Variants in CSMD3 observed in about 807,000 individuals in gnomAD.
The protein encoded by CSMD3 is CUB and Sushi multiple domains 3.
In CSMD3, 177 loss-of-function variants were observed where a neutral mutation model predicts 435.2. That is an observed-to-expected ratio of 0.41 (90% confidence interval 0.36 to 0.46). The LOEUF (loss-of-function observed/expected upper bound fraction) is 0.46. Ranked by LOEUF, CSMD3 falls within the 20% of genes least tolerant of loss-of-function variation. The pLI, the probability that CSMD3 is intolerant of heterozygous loss-of-function variation, is 0.34. For missense variants in CSMD3, 4,265 were observed against 4,504.6 expected, an observed-to-expected ratio of 0.95 and a Z score of 1.52; for synonymous variants, 1,656 against 1,520.5, an observed-to-expected ratio of 1.09 and a Z score of -2.07.
At chr8:112,945,656 A>T (rs1301479444) in intron 9 of CSMD3, among the ~76,000 whole-genome samples, 1 of 149,752 alleles carries the variant, frequency 6.7e-6, no homozygotes, top group East Asian at 2.0e-4. Flanking sequence ...TGTTGTCTCC[A>T]TTAAAAAAAA....
At chr8:112,594,506 G>A (rs1831504369) in intron 22 of CSMD3, among the ~76,000 whole-genome samples, 1 of 152,188 alleles carries the variant, frequency 6.6e-6, no homozygotes, top group South Asian at 2.1e-4. Flanking sequence ...CGAACTGGGT[G>A]TAGCCCACCA....
intron 6 of CSMD3, among the ~76,000 whole-genome samples, chr8:113,005,173 T>G (rs1224202566): frequency 6.6e-6 from 1 of 151,828 alleles, no homozygotes; most frequent in African/African-American, 2.4e-5. Flanking sequence ...ACTGAGTCAT[T>G]TGGTAAACCT....
At chr8:112,968,184 T>C (rs1474383629) in intron 7 of CSMD3, among the ~76,000 whole-genome samples, 1 of 151,956 alleles carries the variant, frequency 6.6e-6, no homozygotes, top group Non-Finnish European at 1.5e-5. Context: ...CATTGGCCAC[T>C]TCTATGTTTG....
chr8:113,105,373 C>A (rs2090445099), intron 4 of CSMD3, among the ~76,000 whole-genome samples: 2 of 152,026 alleles, frequency 1.3e-5, no homozygotes, highest in African/African-American at 4.8e-5. Flanking sequence ...TCTTTCAGCT[C>A]AGTACATAGA....
chr8:112,352,276 A>G (rs1259739772), intron 39 of CSMD3, 140 bp downstream of exon 39: 6 of 1,269,056 alleles, frequency 4.7e-6, no homozygotes, highest in South Asian at 1.3e-5. Context: ...TGCATATTTT[A>G]TTATCAAATT....
chr8:113,373,249 A>T (rs1322337291), intron 1 of CSMD3, among the ~76,000 whole-genome samples: 1 of 151,998 alleles, frequency 6.6e-6, no homozygotes, highest in Non-Finnish European at 1.5e-5. Context: ...CTGTACTCAA[A>T]ACCACTCAGG....
intron 10 of CSMD3, among the ~76,000 whole-genome samples, chr8:112,871,731 C>T (rs999980721): frequency 4.6e-5 from 7 of 151,996 alleles, no homozygotes; most frequent in Non-Finnish European, 1.0e-4. Flanking sequence ...TTGGTGTATA[C>T]TTTCAATGAT....
At chr8:113,400,500 G>A (rs1028054890) in intron 1 of CSMD3, among the ~76,000 whole-genome samples, 1 of 151,910 alleles carries the variant, frequency 6.6e-6, no homozygotes, top group East Asian at 1.9e-4. Flanking sequence ...AATATATTTT[G>A]GACACTACTT....
chr8:112,478,806 G>A (rs1358669534), intron 31 of CSMD3, among the ~76,000 whole-genome samples: 1 of 152,092 alleles, frequency 6.6e-6, no homozygotes, highest in Non-Finnish European at 1.5e-5. Flanking sequence ...GTTCCTGTTC[G>A]CCTGCCCTTT....
intron 69 of CSMD3, among the ~76,000 whole-genome samples, chr8:112,229,121 G>A (rs868177009): frequency 4.3e-4 from 66 of 152,112 alleles, no homozygotes; most frequent in Admixed American, 3.7e-3. Flanking sequence ...GCAGAGCCCC[G>A]AACTAAGGAG....
intron 1 of CSMD3, chr8:113,376,980 C>T (rs530090529): frequency 3.7e-5 from 48 of 1,301,872 alleles, no homozygotes; most frequent in Middle Eastern, 6.5e-4. Flanking sequence ...GTGCGCTGCG[C>T]ATGACCAGCC....
intron 11 of CSMD3, among the ~76,000 whole-genome samples, chr8:112,838,897 G>A (rs1476563614): frequency 6.6e-6 from 1 of 151,592 alleles, no homozygotes; most frequent in Admixed American, 6.6e-5. Context: ...GGTAAATATT[G>A]TATGATACAA....
At chr8:113,324,820 G>T (rs905466794) in intron 1 of CSMD3, among the ~76,000 whole-genome samples, 5 of 152,198 alleles carry the variant, frequency 3.3e-5, no homozygotes, top group Non-Finnish European at 1.5e-5. Context: ...CAGCCAGGAG[G>T]TAGGTTGTAC....
At chr8:113,417,465 T>TA (rs1301392617) in intron 1 of CSMD3, among the ~76,000 whole-genome samples, 1 of 151,862 alleles carries the variant, frequency 6.6e-6, no homozygotes, top group African/African-American at 2.4e-5. Context: ...TTTTATATAG[T>TA]AAAAAATTAT....
chr8:112,500,508 T>G (rs1297435666), intron 30 of CSMD3, among the ~76,000 whole-genome samples: 1 of 152,044 alleles, frequency 6.6e-6, no homozygotes, highest in African/African-American at 2.4e-5. Context: ...GCTCCTAAAT[T>G]TAGGCAGGTA....
intron 1 of CSMD3, among the ~76,000 whole-genome samples, chr8:113,409,476 G>A (rs2094548545): frequency 1.3e-5 from 2 of 152,082 alleles, no homozygotes; most frequent in Non-Finnish European, 2.9e-5. Flanking sequence ...TTGACTGCAA[G>A]GAGAGACGCA....
At chr8:113,019,302 G>A in intron 5 of CSMD3, 123 bp from the exon 6 acceptor site, 1 of 708,002 alleles carries the variant, frequency 1.4e-6, no homozygotes, top group Non-Finnish European at 2.6e-6. Context: ...AACTTTTTAA[G>A]CACAAATGAA....
At chr8:112,227,201 T>C (rs1355193448) in intron 70 of CSMD3, among the ~76,000 whole-genome samples, 8 of 152,206 alleles carry the variant, frequency 5.3e-5, no homozygotes, top group Non-Finnish European at 8.8e-5. Context: ...AATGGACACA[T>C]TCATCCATAC....
At chr8:112,614,885 C>T (rs576637442) in intron 22 of CSMD3, among the ~76,000 whole-genome samples, 4 of 151,764 alleles carry the variant, frequency 2.6e-5, no homozygotes, top group East Asian at 3.9e-4. Context: ...TTTCAGATAC[C>T]GTGTTTAAGT....
Sources: allele counts gnomAD v4.1 joint callset (sites outside exome capture counted in the v4.1 genomes callset), GRCh38; gene constraint gnomAD v4.1.1; transcripts MANE v1.5; gene names NCBI Gene and HGNC (gene_info 2026-07-23, HGNC 2026-07-21).